LRP1B: variants seen among roughly 807,000 people sequenced by gnomAD.
The protein encoded by LRP1B is LDL receptor related protein 1B, also known as low-density lipoprotein receptor-related protein 1B.
In LRP1B, 217 loss-of-function variants were observed where a neutral mutation model predicts 556.6. The observed-to-expected ratio is 0.39, with a 90% confidence interval of 0.35 to 0.44. The LOEUF is 0.44. Among genes scored for constraint, LRP1B ranks in the 20% least tolerant of loss-of-function variants. LRP1B has a pLI of 1.00. For synonymous variants in LRP1B, 2,047 were observed against 1,865.8 expected (o/e 1.10, Z -2.50); for missense variants, 5,053 against 5,620.8 (o/e 0.90, Z 3.23).
chr2:140,912,013 G>T (rs187331186), intron 21 of LRP1B, among the ~76,000 whole-genome samples: 1 of 151,758 alleles, frequency 6.6e-6, no homozygotes, highest in East Asian at 1.9e-4. Flanking sequence ...TGTCACCAGA[G>T]ATATGAATAA....
At position 140,510,053 on chromosome 2, in the gene LRP1B, G is replaced by T. The variant is rs1249509298; in HGVS notation, c.8273C>A (p.Ala2758Asp). 6.2e-7 allele frequency: 1 copy of T among 1,613,286 alleles called. No homozygotes were observed. The highest frequency in any genetic ancestry group is 8.5e-7 in the Non-Finnish European group (1 of 1,179,848). ...GAACATGTCAGCAGCACAGGTTATGGCACCTGAAACACAAAAACATAATGC... is the reference window on the plus strand; with the variant it reads ...GAACATGTCAGCAGCACAGGTTATGTCACCTGAAACACAAAAACATAATGC... The part of the protein sequence containing the change: ...GLDESDSICG[A>D]ITCAADMFSC... Residue 2758 changes from alanine to aspartate, a missense_variant, in exon 52 of 91, where the codon GCC becomes GAC. Physicochemically the swap from Ala to Asp is moderately radical, Grantham distance 126 (BLOSUM62 -2). Transcript: ENST00000389484.
intron 41 of LRP1B, among the ~76,000 whole-genome samples, chr2:140,654,586 A>C (rs910787405): frequency 6.6e-6 from 1 of 150,996 alleles, no homozygotes; most frequent in Non-Finnish European, 1.5e-5. Flanking sequence ...TCACTTCATC[A>C]GTGTGAGGCA....
intron 3 of LRP1B, among the ~76,000 whole-genome samples, chr2:141,410,231 C>A (rs1364192646): frequency 1.3e-5 from 2 of 151,920 alleles, no homozygotes; most frequent in East Asian, 3.9e-4. Context: ...TTTTTAATAC[C>A]ATCCCCATTG....
intron 59 of LRP1B, among the ~76,000 whole-genome samples, chr2:140,483,640 A>ATATATTTTTT (rs1491228405): frequency 1.4e-5 from 1 of 70,750 alleles, no homozygotes; most frequent in African/African-American, 6.4e-5. Flanking sequence ...ATATATATAT[A>ATATATTTTTT]TTTTTTTTTT....
chr2:140,434,933 A>G (rs533443693), intron 66 of LRP1B, among the ~76,000 whole-genome samples: 3 of 152,194 alleles, frequency 2.0e-5, no homozygotes, highest in African/African-American at 7.2e-5. Flanking sequence ...GGGTAAAAAA[A>G]TATATTTTCT....
intron 2 of LRP1B, among the ~76,000 whole-genome samples, chr2:141,626,311 T>G (rs1394515195): frequency 6.6e-6 from 1 of 152,142 alleles, no homozygotes; most frequent in Admixed American, 6.5e-5. Flanking sequence ...AAAGTTAACT[T>G]GAAATAGATC....
intron 27 of LRP1B, 58 bp downstream of exon 27, chr2:140,867,532 T>C: frequency 6.7e-7 from 1 of 1,490,868 alleles, no homozygotes; most frequent in Non-Finnish European, 9.0e-7. Flanking sequence ...TCAAATATTA[T>C]ATGATTAAGA....
At chr2:141,473,577 C>A (rs1035847798) in intron 3 of LRP1B, among the ~76,000 whole-genome samples, 1 of 152,098 alleles carries the variant, frequency 6.6e-6, no homozygotes, top group African/African-American at 2.4e-5. Flanking sequence ...TATCTGATCA[C>A]CTTAGCACAG....
intron 43 of LRP1B, among the ~76,000 whole-genome samples, chr2:140,580,699 T>C (rs1299081290): frequency 2.6e-5 from 4 of 152,146 alleles, no homozygotes; most frequent in Non-Finnish European, 1.5e-5. Context: ...AAAGAAAAAC[T>C]ACAGACTGAA....
At chr2:141,428,934 T>C (rs1680469892) in intron 3 of LRP1B, among the ~76,000 whole-genome samples, 4 of 152,158 alleles carry the variant, frequency 2.6e-5, no homozygotes. Context: ...AATTAATAGT[T>C]TGGTATTTAT....
chr2:140,387,019 A>T (rs1188586714), intron 66 of LRP1B, among the ~76,000 whole-genome samples: 2 of 152,174 alleles, frequency 1.3e-5, no homozygotes, highest in Non-Finnish European at 2.9e-5. Context: ...AAGCACACTG[A>T]ATAGCAAGGT....
intron 84 of LRP1B, among the ~76,000 whole-genome samples, chr2:140,277,540 TTG>T (rs1682727794): frequency 1.3e-5 from 2 of 151,914 alleles, no homozygotes; most frequent in Non-Finnish European, 2.9e-5. Flanking sequence ...TGAGCCAAGA[TTG>T]TGACATTGGA....
At chr2:140,753,478 G>T (rs1688649904) in intron 35 of LRP1B, among the ~76,000 whole-genome samples, 1 of 152,100 alleles carries the variant, frequency 6.6e-6, no homozygotes, top group African/African-American at 2.4e-5. Context: ...TAGCATAATA[G>T]GAAATGTCAA....
chr2:141,479,086 C>T (rs1281707710), intron 3 of LRP1B, among the ~76,000 whole-genome samples: 2 of 152,222 alleles, frequency 1.3e-5, no homozygotes. Flanking sequence ...GTAATTGGAC[C>T]TTCCTTTAGA....
chr2:141,242,006 C>T (rs779081844), intron 5 of LRP1B, among the ~76,000 whole-genome samples: 1 of 151,848 alleles, frequency 6.6e-6, no homozygotes, highest in Non-Finnish European at 1.5e-5. Flanking sequence ...CCATTCTTAG[C>T]CACTGGTATA....
At chr2:141,614,072 C>T (rs1688202614) in intron 2 of LRP1B, among the ~76,000 whole-genome samples, 1 of 57,660 alleles carries the variant, frequency 1.7e-5, no homozygotes. Flanking sequence ...AAGAGCAAAA[C>T]TCAGCCTCAA....
intron 2 of LRP1B, among the ~76,000 whole-genome samples, chr2:141,589,650 G>T (rs557886222): frequency 1.2e-3 from 179 of 152,236 alleles, no homozygotes; most frequent in Non-Finnish European, 2.3e-3. Context: ...AGAGAAAAAG[G>T]CACTTGCTTA....
At chr2:141,722,388 A>G (rs1482188583) in intron 2 of LRP1B, among the ~76,000 whole-genome samples, 1 of 152,068 alleles carries the variant, frequency 6.6e-6, no homozygotes, top group African/African-American at 2.4e-5. Flanking sequence ...GGGGGGAAAA[A>G]ATGGTCTGAA....
rs70991117 is a variant in LRP1B at position 140,915,653 on chromosome 2, AAAATAAATAAATAAATAAAT to A, written c.3319+7292_3319+7311del. On this transcript the variant is annotated intron_variant, in intron 21 of 90. Transcript: ENST00000389484. Reference sequence around the variant, plus strand: ...GGCAACAGAGCAAGACTTTGTCTCAAAAATAAATAAATAAATAAATAAATAAATAAATAAAATAAATCTAA... The same window carrying A: ...GGCAACAGAGCAAGACTTTGTCTCAAAAATAAATAAATAAAATAAATCTAA... Among the ~76,000 whole-genome samples, 32 of 145,102 alleles carry A rather than the reference AAAATAAATAAATAAATAAAT, an allele frequency of 2.2e-4. 1 individual carries two copies. Among genetic ancestry groups the A allele is most frequent in the African/African-American group, 8.2e-4 (32 of 39,092 alleles).
Sources: gnomAD v4.1 joint callset for allele counts (sites outside exome capture counted in the v4.1 genomes callset) on GRCh38, gnomAD v4.1.1 for gene constraint, MANE v1.5 for transcripts, NCBI Gene and HGNC (gene_info 2026-07-23, HGNC 2026-07-21) for gene names.